SLC38A10: variants seen among roughly 807,000 people sequenced by gnomAD.
The protein encoded by SLC38A10 is solute carrier family 38 member 10.
In SLC38A10, 53 loss-of-function variants were observed where a neutral mutation model predicts 81.0. The observed-to-expected ratio is 0.65, with a 90% CI of 0.53 to 0.82. The LOEUF (loss-of-function observed/expected upper bound fraction) is 0.82. SLC38A10 is among the 40% of genes least tolerant of loss of function. SLC38A10 has a pLI of 0.00. For synonymous variants in SLC38A10, 665 were observed against 655.3 expected, an observed-to-expected ratio of 1.01 and a Z score of -0.23; for missense variants, 1,471 against 1,545.0, an observed-to-expected ratio of 0.95 and a Z score of 0.80.
intron 8 of SLC38A10, among the ~76,000 whole-genome samples, chr17:81,273,990 G>A (rs548696528): frequency 6.6e-6 from 1 of 152,352 alleles, no homozygotes; most frequent in South Asian, 2.1e-4. Flanking sequence ...GGTCCACCTT[G>A]GGATGAAGGG....
chr17:81,280,842 C>G (rs989772659), intron 5 of SLC38A10, 109 bp from the exon 6 acceptor site: 2 of 1,413,060 alleles, frequency 1.4e-6, no homozygotes, highest in Admixed American at 5.1e-5. Context: ...GCAGCTCTTC[C>G]CACCCACATC....
At chr17:81,279,474 G>A (rs745959571) in intron 6 of SLC38A10, among the ~76,000 whole-genome samples, 3 of 152,114 alleles carry the variant, frequency 2.0e-5, no homozygotes, top group Non-Finnish European at 2.9e-5. Flanking sequence ...TCAGCACGGC[G>A]GCCGGCACAG....
In SLC38A10 at chr17:81,288,895, G is replaced by A. The variant is rs1020442024; in HGVS notation, c.217+796C>T. On this transcript the variant is annotated intron_variant, in intron 2 of 15. Transcript: ENST00000374759. This position sits in a 1 kb window ranked among gnomAD's most constrained non-coding sequence, Gnocchi z 5.4. ...AGAGAGAGCAGGTCTGCACCAGCAC[G>A]GTGAGGACGGCTGTCTTGGTCTGAG... 1.3e-5 allele frequency: 2 copies of A among 152,340 alleles called. No individual in the cohort carries two copies. The highest frequency in any genetic ancestry group is 6.5e-5 in the Admixed American group (1 of 15,282). The allele number at this position is 152,340 out of a possible 1,614,324, so 9.4% of individuals were successfully genotyped here.
chr17:81,266,618 CA>C (rs57854082), intron 10 of SLC38A10, among the ~76,000 whole-genome samples: 5,514 of 81,936 alleles, frequency 0.067, 138 homozygotes, highest in African/African-American at 0.12. Context: ...GACTCCATCT[CA>C]AAAAAAAAAA....
intron 6 of SLC38A10, chr17:81,280,149 A>G (rs1348687308): frequency 4.4e-6 from 2 of 454,396 alleles, no homozygotes; most frequent in African/African-American, 4.0e-5. Context: ...CCCGATCCAC[A>G]TTTACAGAGC....
chr17:81,282,948 G>A (rs949353914), intron 4 of SLC38A10, among the ~76,000 whole-genome samples: 4 of 152,212 alleles, frequency 2.6e-5, no homozygotes, highest in African/African-American at 9.6e-5. Context: ...GGCAGCGAGG[G>A]AAAGGTGTGT....
Position 81,270,373 on chromosome 17 carries a change from T to C in SLC38A10, c.1131+545A>G, listed in dbSNP as rs1389962029. On this transcript the variant is annotated intron_variant, in intron 10 of 15. Transcript: ENST00000374759. The surrounding 1 kb of genome is among the most constrained non-coding windows in gnomAD (Gnocchi z 4.0). Reference sequence around the variant, plus strand: ...GTGAGTCCTTCGGAGACTGGGATTATGGAATCTTCCTACCACGGAACCCAT... The same window carrying C: ...GTGAGTCCTTCGGAGACTGGGATTACGGAATCTTCCTACCACGGAACCCAT... 1.3e-5 allele frequency among the ~76,000 whole-genome samples: 2 copies of C among 152,214 alleles called. No individual in the cohort carries two copies. The highest frequency in any genetic ancestry group is 2.9e-5 in the Non-Finnish European group (2 of 68,044).
At chr17:81,250,958 G>A (rs994631578) in intron 14 of SLC38A10, 1 of 1,302,318 alleles carries the variant, frequency 7.7e-7, no homozygotes, top group African/African-American at 1.5e-5. Flanking sequence ...GATCCCTGTA[G>A]ATGAACACAG....
rs1183867234 is a variant in SLC38A10, at chr17:81,253,979, CCAT to C, written c.1289-742_1289-740del. 6.6e-6 allele frequency among the ~76,000 whole-genome samples: 1 copy of C among 152,142 alleles called. No homozygotes were observed. The highest frequency in any genetic ancestry group is 6.5e-5 in the Admixed American group (1 of 15,274). ...ACCACCACCATCTCCATCCCCACCACCATCGCTGCATCATTGCCACCACCTCCA... is the reference window on the plus strand; with the variant it reads ...ACCACCACCATCTCCATCCCCACCACCGCTGCATCATTGCCACCACCTCCA... On this transcript the variant is annotated intron_variant, in intron 11 of 15. Coordinates refer to ENST00000374759, the MANE Select transcript of SLC38A10 (RefSeq NM_001037984.3). The surrounding 1 kb of genome is among the most constrained non-coding windows in gnomAD (Gnocchi z 4.1).
chr17:81,283,073 G>A lies in SLC38A10; in HGVS notation c.357+336C>T, dbSNP rs2063229645. Among the ~76,000 whole-genome samples the A allele has an allele frequency of 6.6e-6, 1 of 152,192 alleles. No homozygotes were observed. Among genetic ancestry groups the A allele is most frequent in the Non-Finnish European group, 1.5e-5 (1 of 68,036 alleles). On this transcript the variant is annotated intron_variant, in intron 4 of 15. Coordinates refer to ENST00000374759, the MANE Select transcript of SLC38A10 (RefSeq NM_001037984.3). This position sits in a 1 kb window ranked among gnomAD's most constrained non-coding sequence, Gnocchi z 4.7. ...CCCAGAAGCTCTGGGTGACCATGGA[G>A]GCCGGGGATGCCTGAGGGCCTGGCC... is the stretch of plus-strand genomic sequence containing the variant.
rs547230738 is a variant in SLC38A10, at chr17:81,281,420, C to T, written c.502-687G>A. Among the ~76,000 whole-genome samples, 2 of 152,192 alleles carry T rather than the reference C, an allele frequency of 1.3e-5. No individual in the cohort carries two copies. The highest frequency in any genetic ancestry group is 3.9e-4 in the East Asian group (2 of 5,170). On this transcript the variant is annotated intron_variant, in intron 5 of 15. Transcript: ENST00000374759. This position sits in a 1 kb window ranked among gnomAD's most constrained non-coding sequence, Gnocchi z 5.3. ...TGTGCTGGGGGCTCTGGGTGGTATCCGTGTTCTCAGTGCCAACTCCACAGC... is the reference window on the plus strand; with the variant it reads ...TGTGCTGGGGGCTCTGGGTGGTATCTGTGTTCTCAGTGCCAACTCCACAGC...
intron 1 of SLC38A10, among the ~76,000 whole-genome samples, chr17:81,290,403 G>A (rs1327676005): frequency 3.3e-5 from 5 of 152,118 alleles, no homozygotes; most frequent in South Asian, 4.1e-4. Flanking sequence ...TGGTCCATTC[G>A]AATAAGGGAA....
chr17:81,289,503 G>C lies in SLC38A10; in HGVS notation c.217+188C>G, dbSNP rs574651552. Among the ~76,000 whole-genome samples the C allele has an allele frequency of 5.3e-5, 8 of 151,880 alleles. No individual in the cohort carries two copies. The highest frequency in any genetic ancestry group is 1.9e-4 in the African/African-American group (8 of 41,386). Reference sequence around the variant, plus strand: ...TCCTCCCACCTCAGCCTCCCAAATAGTAGCTGGGACGACAGGCACGTGCAA... The same window carrying C: ...TCCTCCCACCTCAGCCTCCCAAATACTAGCTGGGACGACAGGCACGTGCAA... On this transcript the variant is annotated intron_variant, in intron 2 of 15. Coordinates refer to ENST00000374759, the MANE Select transcript of SLC38A10 (RefSeq NM_001037984.3). This position sits in a 1 kb window ranked among gnomAD's most constrained non-coding sequence, Gnocchi z 5.9.
intron 10 of SLC38A10, among the ~76,000 whole-genome samples, chr17:81,262,099 G>A (rs1026390023): frequency 1.8e-4 from 28 of 152,238 alleles, no homozygotes; most frequent in African/African-American, 6.5e-4. Flanking sequence ...GAACTCTCGC[G>A]AGGCTGCCCG....
chr17:81,253,614 TATC>T lies in SLC38A10; in HGVS notation c.1289-377_1289-375del, dbSNP rs929752904. 5.0e-5 allele frequency among the ~76,000 whole-genome samples: 7 copies of T among 139,036 alleles called. No homozygotes were observed. Among genetic ancestry groups the T allele is most frequent in the African/African-American group, 1.1e-4 (4 of 36,626 alleles). The allele number at this position is 139,036 out of a possible 152,430, so 91.2% of individuals were successfully genotyped here. ...CCACCACCACCACCACCATCACCGC[TATC>T]ATCACCATCATCTCCATCCCTACCA... On this transcript the variant is annotated intron_variant, in intron 11 of 15. Transcript: ENST00000374759. The surrounding 1 kb of genome is among the most constrained non-coding windows in gnomAD (Gnocchi z 4.1).
intron 10 of SLC38A10, among the ~76,000 whole-genome samples, chr17:81,260,891 T>C (rs2063017107): frequency 6.6e-6 from 1 of 152,276 alleles, no homozygotes. Flanking sequence ...CCGTCCATGC[T>C]GTCCGCAAAG....
rs921875587 is a variant in SLC38A10, at chr17:81,277,815, A to G, written c.627-682T>C. 2.0e-5 allele frequency among the ~76,000 whole-genome samples: 3 copies of G among 152,192 alleles called. No homozygotes were observed. The highest frequency in any genetic ancestry group is 4.4e-5 in the Non-Finnish European group (3 of 68,026). ...TCTGGAAAGGGGTGGGCGAGACGACAAGGGAGAGGCTGGGGCCATGGAGCA... is the reference window on the plus strand; with the variant it reads ...TCTGGAAAGGGGTGGGCGAGACGACGAGGGAGAGGCTGGGGCCATGGAGCA... On this transcript the variant is annotated intron_variant, in intron 6 of 15. Transcript: ENST00000374759. This position sits in a 1 kb window ranked among gnomAD's most constrained non-coding sequence, Gnocchi z 4.5.
In SLC38A10 at chr17:81,289,834, G is replaced by A; in HGVS notation, c.100-26C>T. On this transcript the variant is annotated intron_variant, in intron 1 of 15. Transcript: ENST00000374759. This position sits in a 1 kb window ranked among gnomAD's most constrained non-coding sequence, Gnocchi z 5.9. ...CTGCAGGGTGGAGACAGGAACACAT[G>A]TTCACAGCAGCAGGTGCTCCCCAGA... 6.5e-7 allele frequency: 1 copy of A among 1,547,652 alleles called. No homozygotes were observed. Among genetic ancestry groups the A allele is most frequent in the Middle Eastern group, 2.2e-4 (1 of 4,510 alleles).
chr17:81,257,502 C>G (rs1478468732), intron 11 of SLC38A10, among the ~76,000 whole-genome samples: 1 of 152,216 alleles, frequency 6.6e-6, no homozygotes, highest in Non-Finnish European at 1.5e-5. Flanking sequence ...GGAGCTGATT[C>G]CATTGTCTGA....
Sources: gnomAD v4.1 joint callset for allele counts (sites outside exome capture counted in the v4.1 genomes callset) on GRCh38, gnomAD v4.1.1 for gene constraint, Gnocchi (gnomAD v3.1) non-coding constraint, MANE v1.5 for transcripts, NCBI Gene and HGNC (gene_info 2026-07-23, HGNC 2026-07-21) for gene names.